P4HA1: variants seen among roughly 807,000 people sequenced by gnomAD.
P4HA1 encodes prolyl 4-hydroxylase subunit alpha-1.
Under a neutral mutation model 72.8 loss-of-function variants are expected in P4HA1, and 24 were observed. The observed-to-expected ratio is 0.33, with a 90% CI of 0.24 to 0.46. P4HA1 has a LOEUF of 0.46. Among genes scored for constraint, P4HA1 ranks in the 20% least tolerant of loss-of-function variants. P4HA1 has a pLI of 1.00. For synonymous variants in P4HA1, 201 were observed against 218.8 expected, an observed-to-expected ratio of 0.92 and a Z score of 0.72; for missense variants, 446 against 640.6, an observed-to-expected ratio of 0.70 and a Z score of 3.28.
intron 10 of P4HA1, among the ~76,000 whole-genome samples, chr10:73,028,347 A>G (rs570700727): frequency 7.2e-4 from 100 of 139,654 alleles, no homozygotes; most frequent in African/African-American, 2.6e-3. Context: ...CACACACACA[A>G]AATACATTTT....
At chr10:73,094,333 G>C (rs192499497) in intron 1 of P4HA1, among the ~76,000 whole-genome samples, 1 of 152,214 alleles carries the variant, frequency 6.6e-6, no homozygotes, top group African/African-American at 2.4e-5. Flanking sequence ...GATACCCTTA[G>C]AGAGTAACTT....
At chr10:73,016,130 A>G (rs2133037975) in intron 11 of P4HA1, among the ~76,000 whole-genome samples, 1 of 152,218 alleles carries the variant, frequency 6.6e-6, no homozygotes, top group South Asian at 2.1e-4. Flanking sequence ...GTTAGCCAGA[A>G]TTCCCCGTCC....
At chr10:73,076,012 A>T (rs1021432858) in intron 1 of P4HA1, among the ~76,000 whole-genome samples, 5 of 152,208 alleles carry the variant, frequency 3.3e-5, no homozygotes, top group Admixed American at 3.3e-4. Flanking sequence ...AGGCTGAGGC[A>T]GGAGGATCAC....
In P4HA1 at chr10:73,068,876, T is replaced by C; in HGVS notation, c.433A>G (p.Thr145Ala). The C allele has an allele frequency of 1.2e-6, 2 of 1,612,772 alleles. No individual in the cohort carries two copies. The highest frequency in any genetic ancestry group is 1.1e-5 in the South Asian group (1 of 91,040). ...AGATTACCCTTTGAGATGGTATCTGTATCCAAATTGTAGGTATCCTGGAGA... is the reference window on the plus strand; with the variant it reads ...AGATTACCCTTTGAGATGGTATCTGCATCCAAATTGTAGGTATCCTGGAGA... Reference protein sequence around the residue: ...LRLQDTYNLDTDTISKGNLPG... With the variant: ...LRLQDTYNLDADTISKGNLPG... Residue 145 changes from threonine to alanine, a missense_variant, in exon 5 of 15, where the codon ACA (threonine) becomes GCA (alanine). Coordinates refer to ENST00000394890, the MANE Select transcript of P4HA1 (RefSeq NM_001017962.3).
At position 73,014,226 on chromosome 10, in the gene P4HA1, A is replaced by T; in HGVS notation, c.1366T>A (p.Tyr456Asn). 8 of 1,605,766 alleles carry T rather than the reference A, an allele frequency of 5.0e-6. No homozygotes were observed. The highest frequency in any genetic ancestry group is 6.8e-6 in the Non-Finnish European group (8 of 1,172,880). Residue 456 changes from tyrosine (Y) to asparagine (N), a missense_variant and splice_region_variant, in exon 12 of 15, where the codon TAT becomes AAT. Coordinates refer to ENST00000394890, the MANE Select transcript of P4HA1 (RefSeq NM_001017962.3). ...TGNRIATWLFYMSDVSAGGAT... is the reference protein window; with the variant it reads ...TGNRIATWLFNMSDVSAGGAT... ...TAAAAATTTTAGTGACGACTTACAT[A>T]AAACAGCCATGTAGCAATTCTATTT...
At chr10:73,086,794 G>C (rs1480795805) in intron 1 of P4HA1, among the ~76,000 whole-genome samples, 1 of 151,850 alleles carries the variant, frequency 6.6e-6, no homozygotes, top group South Asian at 2.1e-4. Context: ...TTAGCCAGGC[G>C]TGGTGGCACA....
chr10:73,033,383 T>C (rs1329040168), intron 9 of P4HA1, among the ~76,000 whole-genome samples: 1 of 152,186 alleles, frequency 6.6e-6, no homozygotes, highest in African/African-American at 2.4e-5. Flanking sequence ...CTCTTGTACT[T>C]TGGTAGAATC....
intron 5 of P4HA1, among the ~76,000 whole-genome samples, chr10:73,060,337 TTA>T (rs1231008218): frequency 6.6e-6 from 1 of 152,212 alleles, no homozygotes. Flanking sequence ...CTGTCTCTGT[TTA>T]TGACAAACTA....
intron 6 of P4HA1, among the ~76,000 whole-genome samples, chr10:73,052,218 C>T (rs974574072): frequency 3.3e-5 from 5 of 150,808 alleles, no homozygotes; most frequent in African/African-American, 9.7e-5. Context: ...AAGAACCACA[C>T]ACACATAAAA....
intron 9 of P4HA1, among the ~76,000 whole-genome samples, chr10:73,040,569 G>C (rs1328356056): frequency 1.3e-5 from 2 of 149,228 alleles, no homozygotes; most frequent in African/African-American, 5.0e-5. Flanking sequence ...TCTACCTCCC[G>C]GGTTCAAGCC....
At chr10:73,009,257 A>T (rs192000717) in intron 14 of P4HA1, among the ~76,000 whole-genome samples, 24 of 151,826 alleles carry the variant, frequency 1.6e-4, no homozygotes, top group Non-Finnish European at 3.2e-4. Context: ...AACTAATTTT[A>T]CCTGTTTCTT....
chr10:73,091,228 G>C (rs79763548), intron 1 of P4HA1, among the ~76,000 whole-genome samples: 10,491 of 151,940 alleles, frequency 0.069, 620 homozygotes, highest in East Asian at 0.3. Context: ...CAGAACCATA[G>C]GGCAAGAACA....
intron 10 of P4HA1, among the ~76,000 whole-genome samples, chr10:73,028,307 A>AACAC (rs10561551): frequency 0.031 from 4,508 of 143,698 alleles, 111 homozygotes; most frequent in African/African-American, 0.06. Context: ...GTCACTGTAA[A>AACAC]ACACACACAC....
At chr10:73,043,289 C>A (rs1453397854) in intron 9 of P4HA1, among the ~76,000 whole-genome samples, 3 of 152,008 alleles carry the variant, frequency 2.0e-5, no homozygotes, top group African/African-American at 7.2e-5. Context: ...AAATTCAGCA[C>A]AAAGATATTT....
chr10:73,031,188 A>G (rs1840425027), intron 9 of P4HA1, among the ~76,000 whole-genome samples: 1 of 152,210 alleles, frequency 6.6e-6, no homozygotes, highest in South Asian at 2.1e-4. Context: ...TGTCACAAAA[A>G]GGAATAAAGT....
intron 1 of P4HA1, among the ~76,000 whole-genome samples, chr10:73,077,831 A>G (rs1033873180): frequency 4.3e-4 from 64 of 147,806 alleles, no homozygotes; most frequent in African/African-American, 1.6e-3. Flanking sequence ...AAAAAAAAAA[A>G]TCAAAAAATT....
chr10:73,026,438 T>C (rs1314225735), intron 10 of P4HA1, among the ~76,000 whole-genome samples: 3 of 152,102 alleles, frequency 2.0e-5, no homozygotes, highest in South Asian at 2.1e-4. Context: ...TTCCTTACAC[T>C]TTATATAACA....
At chr10:73,090,344 G>A (rs1278683453) in intron 1 of P4HA1, among the ~76,000 whole-genome samples, 1 of 151,276 alleles carries the variant, frequency 6.6e-6, no homozygotes, top group Non-Finnish European at 1.5e-5. Context: ...ATGTCGCCCA[G>A]GCTGGTCTGG....
intron 5 of P4HA1, among the ~76,000 whole-genome samples, chr10:73,055,938 G>C (rs1020336743): frequency 6.6e-6 from 1 of 152,162 alleles, no homozygotes; most frequent in Non-Finnish European, 1.5e-5. Context: ...GTAAGAAATG[G>C]AATCTGTTCC....
Sources: gnomAD v4.1 joint callset for allele counts (sites outside exome capture counted in the v4.1 genomes callset) on GRCh38, gnomAD v4.1.1 for gene constraint, MANE v1.5 for transcripts, NCBI Gene and HGNC (gene_info 2026-07-23, HGNC 2026-07-21) for gene names.